Variants in ZNF124 observed in about 807,000 individuals in gnomAD.
The protein encoded by ZNF124 is zinc finger protein 124.
ZNF124 carries 25 observed loss-of-function variants against 26.6 expected under a neutral mutation model. The observed-to-expected ratio is 0.94, with a 90% CI of 0.68 to 1.31. ZNF124 has a LOEUF of 1.31. Ranked by LOEUF, ZNF124 falls within the 40% of genes most tolerant of loss-of-function variation. The pLI is 0.00. For synonymous variants in ZNF124, 129 were observed against 133.3 expected, an observed-to-expected ratio of 0.97 and a Z score of 0.22; for missense variants, 444 against 422.2, an observed-to-expected ratio of 1.05 and a Z score of -0.45.
chr1:247,163,310 T>A, intron 1 of ZNF124, among the ~76,000 whole-genome samples: 1 of 137,418 alleles, frequency 7.3e-6, no homozygotes. Flanking sequence ...AGAGATAAAT[T>A]GAAGAGAGAG....
Position 247,125,617 on chromosome 1 carries a change from A to G in ZNF124, c.219-1746T>C, listed in dbSNP as rs143066402. Among the ~76,000 whole-genome samples, 705 of 151,336 alleles carry G rather than the reference A, an allele frequency of 4.7e-3. 6 individuals are homozygous for G. Among genetic ancestry groups the G allele is most frequent in the African/African-American group, 0.016 (667 of 41,282 alleles). ...CGGCTAAATTTTGCATTTTTAGTAG[A>G]GACGGGGTTTCACCACATTCGCCAG... On this transcript the variant is annotated intron_variant, in intron 3 of 3. Transcript: ENST00000472531.
At chr1:247,153,132 CAAA>C (rs34244288), downstream of ZNF124, among the ~76,000 whole-genome samples, 6 of 117,096 alleles carry the variant, frequency 5.1e-5, no homozygotes, top group East Asian at 4.9e-4. Flanking sequence ...GACTCCATCT[CAAA>C]AAAAAAAAAA....
chr1:247,131,772 G>C (rs148390583), intron 3 of ZNF124, among the ~76,000 whole-genome samples: 20 of 152,172 alleles, frequency 1.3e-4, no homozygotes, highest in Middle Eastern at 3.4e-3. Flanking sequence ...GACAGAATTT[G>C]GATCTCCCTA....
intron 3 of ZNF124, among the ~76,000 whole-genome samples, chr1:247,145,632 T>C (rs1056848309): frequency 2.8e-5 from 4 of 142,212 alleles, no homozygotes; most frequent in African/African-American, 8.0e-5. Context: ...TAAAAACTTC[T>C]GTTTTTTTTT....
chr1:247,165,206 T>C (rs542835412), intron 1 of ZNF124, among the ~76,000 whole-genome samples: 150 of 152,236 alleles, frequency 9.9e-4, no homozygotes, highest in African/African-American at 3.5e-3. Flanking sequence ...GACCTCATGA[T>C]CCACCTGCCT....
In ZNF124 at chr1:247,156,251, C is replaced by T; in HGVS notation, c.*315G>A. On this transcript the variant is annotated 3_prime_UTR_variant, in exon 4 of 4. Transcript: ENST00000543802. ...AATGAAGGCATTCTCACATTCGATA[C>T]CTTCATAAAGTTTTTCTCTAGAATG... The T allele has an allele frequency of 2.9e-6, 3 of 1,052,576 alleles. No homozygotes were observed. The highest frequency in any genetic ancestry group is 3.4e-6 in the Non-Finnish European group (3 of 875,248). 65.2% of individuals were successfully genotyped at this position (1,052,576 alleles called of 1,614,324 possible). A position where few individuals can be genotyped will look rare whatever the true frequency, so the allele number is the denominator to read the frequency against.
At chr1:247,141,111 G>A (rs566546882) in intron 3 of ZNF124, among the ~76,000 whole-genome samples, 2 of 152,176 alleles carry the variant, frequency 1.3e-5, no homozygotes, top group East Asian at 1.9e-4. Context: ...AGCCCAGAAC[G>A]GAGGGTCTGT....
intron 1 of ZNF124, among the ~76,000 whole-genome samples, chr1:247,165,159 G>C (rs747362937): frequency 2.0e-5 from 3 of 152,054 alleles, no homozygotes; most frequent in Non-Finnish European, 4.4e-5. Flanking sequence ...GTAGAGACAG[G>C]GTTTCACCGT....
rs1191105545 is a variant in ZNF124 at position 247,159,822 on chromosome 1, T to G, written c.31-9A>C. ...TCAAAGGCAACCGAGTTCTAAAATA[T>G]TCCACATTTTTGTAGAGGATGGATG... is the stretch of plus-strand genomic sequence containing the variant. On this transcript the variant is annotated splice_polypyrimidine_tract_variant and intron_variant, in intron 1 of 3. Coordinates refer to ENST00000543802, the MANE Select transcript of ZNF124 (RefSeq NM_001297568.2). 1.2e-6 allele frequency: 2 copies of G among 1,607,696 alleles called. No homozygotes were observed.
chr1:247,151,204 G>C (rs1000895402), downstream of ZNF124, among the ~76,000 whole-genome samples: 1 of 152,060 alleles, frequency 6.6e-6, no homozygotes, highest in Non-Finnish European at 1.5e-5. Flanking sequence ...GTTGGGCTGG[G>C]CGCGGTGGCT....
In ZNF124 at chr1:247,156,504, A is replaced by G; in HGVS notation, c.*62T>C. On this transcript the variant is annotated 3_prime_UTR_variant, in exon 4 of 4. Coordinates refer to ENST00000543802, the MANE Select transcript of ZNF124 (RefSeq NM_001297568.2). The stretch of plus-strand genomic sequence containing the variant: ...AAGTACTTTCCTACACCTTACATTC[A>G]CAGTTTCTCTCAAGTATGTGACTGT... 1.4e-6 allele frequency: 2 copies of G among 1,461,178 alleles called. No homozygotes were observed. The highest frequency in any genetic ancestry group is 1.8e-6 in the Non-Finnish European group (2 of 1,107,346). The allele number at this position is 1,461,178 out of a possible 1,614,324, so 90.5% of individuals were successfully genotyped here.
downstream of ZNF124, among the ~76,000 whole-genome samples, chr1:247,151,551 A>G (rs2103113564): frequency 6.6e-6 from 1 of 152,180 alleles, no homozygotes; most frequent in South Asian, 2.1e-4. Flanking sequence ...ACTTGTTGGC[A>G]TGAAAAGTGT....
Position 247,155,030 on chromosome 1 carries a change from ACAT to A in ZNF124, c.*1533_*1535del, listed in dbSNP as rs1373127042. On this transcript the variant is annotated 3_prime_UTR_variant, in exon 4 of 4. Coordinates refer to ENST00000543802, the MANE Select transcript of ZNF124 (RefSeq NM_001297568.2). ...AATTTATTTTAAAAACCCTCAGCTA[ACAT>A]CATACATGATGATAAGACTGGATGC... Among the ~76,000 whole-genome samples the A allele has an allele frequency of 3.9e-5, 6 of 152,202 alleles. No individual in the cohort carries two copies. The highest frequency in any genetic ancestry group is 8.8e-5 in the Non-Finnish European group (6 of 68,038).
At chr1:247,162,594 T>C (rs146809837) in intron 1 of ZNF124, among the ~76,000 whole-genome samples, 284 of 136,362 alleles carry the variant, frequency 2.1e-3, no homozygotes, top group African/African-American at 7.7e-3. Flanking sequence ...TCTTTACTTA[T>C]ATATAAAATA....
intron 3 of ZNF124, among the ~76,000 whole-genome samples, chr1:247,124,199 A>G (rs777582826): frequency 4.5e-4 from 67 of 147,574 alleles, no homozygotes; most frequent in Non-Finnish European, 7.1e-4. Flanking sequence ...AAAATGAATG[A>G]TTTTGTGGCT....
At chr1:247,154,659 CAA>C (rs1176795774), downstream of ZNF124, among the ~76,000 whole-genome samples, 1 of 151,866 alleles carries the variant, frequency 6.6e-6, no homozygotes, top group East Asian at 1.9e-4. Context: ...ACTTCATTAC[CAA>C]GAGAGATTTA....
intron 1 of ZNF124, among the ~76,000 whole-genome samples, chr1:247,162,251 T>G (rs1673520846): frequency 6.6e-6 from 1 of 152,104 alleles, no homozygotes; most frequent in African/African-American, 2.4e-5. Context: ...AGATCAAATC[T>G]ACACATATGA....
intron 3 of ZNF124, among the ~76,000 whole-genome samples, chr1:247,145,556 A>G (rs1672741096): frequency 6.6e-6 from 1 of 152,140 alleles, no homozygotes; most frequent in Non-Finnish European, 1.5e-5. Flanking sequence ...CCTCAGCATT[A>G]GACATGGATT....
intron 1 of ZNF124, among the ~76,000 whole-genome samples, chr1:247,167,227 C>T (rs985194008): frequency 2.6e-5 from 4 of 152,160 alleles, no homozygotes; most frequent in African/African-American, 4.8e-5. Flanking sequence ...CAGGAAAGAG[C>T]GGTAGAGAAC....
Sources: gnomAD v4.1 joint callset for allele counts (sites outside exome capture counted in the v4.1 genomes callset) on GRCh38, gnomAD v4.1.1 for gene constraint, MANE v1.5 for transcripts, NCBI Gene and HGNC (gene_info 2026-07-23, HGNC 2026-07-21) for gene names.